The following UBASH3B variants were observed in gnomAD, a reference collection of about 807,000 sequenced individuals.
UBASH3B encodes the protein ubiquitin associated and SH3 domain containing B.
UBASH3B carries 37 observed loss-of-function variants against 83.4 expected under a neutral mutation model. The ratio of observed to expected loss-of-function variants is 0.44; its 90% CI spans 0.34 to 0.58. The LOEUF (loss-of-function observed/expected upper bound fraction) is 0.58. UBASH3B is among the 20% of genes least tolerant of loss of function. The pLI, the probability that UBASH3B is intolerant of heterozygous loss-of-function variation, is 0.01. For synonymous variants in UBASH3B, 304 were observed against 318.3 expected (o/e 0.96, Z 0.48); for missense variants, 657 against 827.2 (o/e 0.79, Z 2.52).
At chr11:122,682,985 C>G (rs1350789113) in intron 1 of UBASH3B, among the ~76,000 whole-genome samples, 1 of 152,130 alleles carries the variant, frequency 6.6e-6, no homozygotes, top group Non-Finnish European at 1.5e-5. Context: ...GTGGCTTATG[C>G]CTGTAATCAC....
At chr11:122,682,557 T>A (rs1863756006) in intron 1 of UBASH3B, among the ~76,000 whole-genome samples, 1 of 152,204 alleles carries the variant, frequency 6.6e-6, no homozygotes, top group Non-Finnish European at 1.5e-5. Context: ...CTTCATTTGG[T>A]TCCTGGAGCC....
rs781669339 is a variant in UBASH3B, at chr11:122,761,942, C to A, written c.162-14277C>A. Reference sequence around the variant, plus strand: ...GAGTAGCTGGGACTACAGGCATGCACCACCACGCCCAGCTAATTTTTGTAT... The same window carrying A: ...GAGTAGCTGGGACTACAGGCATGCAACACCACGCCCAGCTAATTTTTGTAT... On this transcript the variant is annotated intron_variant, in intron 1 of 13. Coordinates refer to ENST00000284273, the MANE Select transcript of UBASH3B (RefSeq NM_032873.5). Among the ~76,000 whole-genome samples the A allele has an allele frequency of 7.0e-4, 106 of 151,990 alleles. 1 individual carries two copies. The highest frequency in any genetic ancestry group is 2.9e-4 in the Non-Finnish European group (20 of 67,962).
chr11:122,778,969 T>C (rs891795947), intron 3 of UBASH3B, among the ~76,000 whole-genome samples: 11 of 152,202 alleles, frequency 7.2e-5, no homozygotes, highest in Non-Finnish European at 1.5e-4. Context: ...GTTGAATATA[T>C]GTATGCATTG....
intron 1 of UBASH3B, among the ~76,000 whole-genome samples, chr11:122,661,906 CTT>C (rs34060053): frequency 6.2e-5 from 7 of 113,180 alleles, no homozygotes; most frequent in Admixed American, 1.8e-4. Flanking sequence ...TGCTTTTTTT[CTT>C]TTTTTTTTTT....
chr11:122,803,247 G>T (rs889578317), intron 11 of UBASH3B, among the ~76,000 whole-genome samples: 3 of 152,166 alleles, frequency 2.0e-5, no homozygotes, highest in Admixed American at 1.3e-4. Flanking sequence ...CATGTGAAAG[G>T]GACAGCCCCG....
chr11:122,786,089 G>A (rs911443891), intron 5 of UBASH3B, among the ~76,000 whole-genome samples: 15 of 151,880 alleles, frequency 9.9e-5, no homozygotes, highest in African/African-American at 3.1e-4. Context: ...TTACTCTGTC[G>A]CCCAGGCTGG....
chr11:122,718,723 C>T (rs949796117), intron 1 of UBASH3B, among the ~76,000 whole-genome samples: 1 of 152,146 alleles, frequency 6.6e-6, no homozygotes, highest in Admixed American at 6.5e-5. Context: ...GAAAAGCTAA[C>T]TCATAGCGCA....
intron 1 of UBASH3B, among the ~76,000 whole-genome samples, chr11:122,688,329 T>C (rs1040277536): frequency 6.6e-6 from 1 of 152,054 alleles, no homozygotes; most frequent in Non-Finnish European, 1.5e-5. Flanking sequence ...AGTGGCACGA[T>C]CTCGGCTCAC....
In UBASH3B at chr11:122,779,538, G is replaced by A. The variant is rs1860810603; in HGVS notation, c.444G>A (p.Gln148=). ...SKVDALGEAL[Q]TTVSRWKCKF... ...TGGATGCCCTGGGGGAAGCCCTGCA[G>A]ACCACGGTCAGTCGCTGGAAATGTA... Residue 148 remains glutamine (Q), a synonymous_variant, in exon 4 of 14, where the codon CAG becomes CAA. Coordinates refer to ENST00000284273, the MANE Select transcript of UBASH3B (RefSeq NM_032873.5). 6.2e-7 allele frequency: 1 copy of A among 1,614,118 alleles called. No individual in the cohort carries two copies.
At chr11:122,677,138 A>G (rs553630234) in intron 1 of UBASH3B, among the ~76,000 whole-genome samples, 1 of 152,360 alleles carries the variant, frequency 6.6e-6, no homozygotes, top group African/African-American at 2.4e-5. Flanking sequence ...TTTCCTGAAC[A>G]ATACAGTATA....
intron 6 of UBASH3B, 92 bp downstream of exon 6, chr11:122,789,400 AT>A: frequency 7.1e-7 from 1 of 1,400,088 alleles, no homozygotes; most frequent in Non-Finnish European, 1.0e-6. Flanking sequence ...AATGGAGTCC[AT>A]GGGAAGAAGG....
intron 1 of UBASH3B, among the ~76,000 whole-genome samples, chr11:122,773,121 G>T (rs4935812): frequency 0.96 from 146,436 of 152,346 alleles, 70,619 homozygotes; most frequent in Middle Eastern, 1. Flanking sequence ...TGAGTCACCC[G>T]GAGGATAGCA....
In UBASH3B at chr11:122,793,255, C is replaced by T. The variant is rs190096371; in HGVS notation, c.981-1447C>T. On this transcript the variant is annotated intron_variant, in intron 6 of 13. Coordinates refer to ENST00000284273, the MANE Select transcript of UBASH3B (RefSeq NM_032873.5). Reference sequence around the variant, plus strand: ...AAAATTAGCCGGGCGTGGTGACGCACGCCTGTAATCCCAGCTACTCCAGAG... The same window carrying T: ...AAAATTAGCCGGGCGTGGTGACGCATGCCTGTAATCCCAGCTACTCCAGAG... Among the ~76,000 whole-genome samples, 1,219 of 152,144 alleles carry T rather than the reference C, an allele frequency of 8.0e-3. 7 individuals are homozygous for T. Among genetic ancestry groups the T allele is most frequent in the Non-Finnish European group, 0.013 (867 of 68,002 alleles).
At chr11:122,792,674 G>C (rs1368211638) in intron 6 of UBASH3B, among the ~76,000 whole-genome samples, 1 of 152,142 alleles carries the variant, frequency 6.6e-6, no homozygotes, top group Non-Finnish European at 1.5e-5. Context: ...TTAAAATAAA[G>C]TAGAATAGCT....
chr11:122,655,895 G>A lies in UBASH3B; in HGVS notation c.-155G>A. On this transcript the variant is annotated 5_prime_UTR_variant, in exon 1 of 14. Transcript: ENST00000284273. ...CCTCACCAGGAAGCGTCAGAGTCCC[G>A]ACACTGGGGAAGCTCGGAGCGCCGC... The A allele has an allele frequency of 2.4e-6, 2 of 817,638 alleles. No homozygotes were observed. The highest frequency in any genetic ancestry group is 2.1e-5 in the South Asian group (1 of 46,906). 50.6% of individuals were successfully genotyped at this position (817,638 alleles called of 1,614,324 possible). A position where few individuals can be genotyped will look rare whatever the true frequency, so the allele number is the denominator to read the frequency against.
intron 1 of UBASH3B, among the ~76,000 whole-genome samples, chr11:122,721,060 A>C (rs1413416217): frequency 1.3e-5 from 2 of 151,792 alleles, no homozygotes; most frequent in African/African-American, 4.9e-5. Context: ...CCCGGCTCAC[A>C]CGGTGAAACC....
chr11:122,675,291 TC>T (rs549999824), intron 1 of UBASH3B, among the ~76,000 whole-genome samples: 9 of 152,250 alleles, frequency 5.9e-5, no homozygotes, highest in Non-Finnish European at 1.3e-4. Context: ...AGCTGCTGTT[TC>T]CTGTGTTTAG....
chr11:122,686,567 G>A (rs1229125311), intron 1 of UBASH3B, among the ~76,000 whole-genome samples: 1 of 152,320 alleles, frequency 6.6e-6, no homozygotes, highest in East Asian at 1.9e-4. Context: ...ATCTGTGCAG[G>A]ATGAGTAAGG....
intron 1 of UBASH3B, among the ~76,000 whole-genome samples, chr11:122,679,355 C>T (rs113066625): frequency 3.9e-5 from 6 of 152,134 alleles, no homozygotes; most frequent in African/African-American, 7.2e-5. Context: ...TTGAAGGCCC[C>T]GGAAAGGCAC....
Sources: gnomAD v4.1 joint callset for allele counts (sites outside exome capture counted in the v4.1 genomes callset) on GRCh38, gnomAD v4.1.1 for gene constraint, MANE v1.5 for transcripts, NCBI Gene and HGNC (gene_info 2026-07-23, HGNC 2026-07-21) for gene names.